LRP5: variants seen among roughly 807,000 people sequenced by gnomAD.
LRP5 encodes low-density lipoprotein receptor-related protein 5.
LRP5 carries 62 observed loss-of-function variants against 154.1 expected under a neutral mutation model. The observed-to-expected ratio is 0.40, with a 90% CI of 0.33 to 0.50. LRP5 has a LOEUF of 0.50. Among genes scored for constraint, LRP5 ranks in the 20% least tolerant of loss-of-function variants. The pLI, the probability that LRP5 is intolerant of heterozygous loss-of-function variation, is 0.55. For missense variants in LRP5, 1,915 were observed against 2,336.7 expected (o/e 0.82, Z 3.72); for synonymous variants, 966 against 1,011.5 (o/e 0.96, Z 0.85).
At chr11:68,352,387 T>C (rs1425765274) in intron 2 of LRP5, among the ~76,000 whole-genome samples, 1 of 152,222 alleles carries the variant, frequency 6.6e-6, no homozygotes, top group Non-Finnish European at 1.5e-5. Context: ...AAGAACAGTT[T>C]GTGAGTTCAA....
In LRP5 at chr11:68,449,200, T is replaced by G; in HGVS notation, c.*130T>G. The G allele has an allele frequency of 1.2e-5, 6 of 510,954 alleles. No homozygotes were observed. Among genetic ancestry groups the G allele is most frequent in the African/African-American group, 1.9e-5 (1 of 51,380 alleles). The allele number at this position is 510,954 out of a possible 1,614,324, so 31.7% of individuals were successfully genotyped here. A position where few individuals can be genotyped will look rare whatever the true frequency, so the allele number is the denominator to read the frequency against. The stretch of plus-strand genomic sequence containing the variant: ...TTTTAAAAACATGAGAAATGTGAAC[T>G]GTGATGGGGTGGGCAGGGCTGGGAG... On this transcript the variant is annotated 3_prime_UTR_variant, in exon 23 of 23. Transcript: ENST00000294304.
At position 68,445,667 on chromosome 11, in the gene LRP5, G is replaced by A. The variant is rs764241848; in HGVS notation, c.4489-769G>A. On this transcript the variant is annotated intron_variant, in intron 21 of 22. Coordinates refer to ENST00000294304, the MANE Select transcript of LRP5 (RefSeq NM_002335.4). The stretch of plus-strand genomic sequence containing the variant: ...AAGCTGCATGTTGGGTTGGGGTGCC[G>A]TCAGTGGCACTTGTGGAAGGTGCAG... The A allele has an allele frequency of 7.2e-5, 95 of 1,318,706 alleles. No homozygotes were observed. The African/African-American group carries it at 7.8e-4, about 11-fold the overall frequency. The allele number at this position is 1,318,706 out of a possible 1,614,324, so 81.7% of individuals were successfully genotyped here. A position where few individuals can be genotyped will look rare whatever the true frequency, so the allele number is the denominator to read the frequency against.
rs35298380 is a variant in LRP5 at position 68,410,030 on chromosome 11, C to A, written c.2208C>A (p.Asp736Glu). 3 of 1,613,962 alleles carry A rather than the reference C, an allele frequency of 1.9e-6. No individual in the cohort carries two copies. Among genetic ancestry groups the A allele is most frequent in the Non-Finnish European group, 2.5e-6 (3 of 1,180,000 alleles). Residue 736 changes from aspartate (D) to glutamate (E), a missense_variant, in exon 10 of 23, where the codon GAC (aspartate) becomes GAA (glutamate). Asp to Glu is a conservative substitution (Grantham distance 45, BLOSUM62 2). This residue lies in a region of LRP5 where 773 missense variants were observed against 1,100.9 expected (regional missense o/e 0.70). Coordinates refer to ENST00000294304, the MANE Select transcript of LRP5 (RefSeq NM_002335.4). The stretch of plus-strand genomic sequence containing the variant: ...TGGGCAAGAACCTCTACTGGGCCGA[C>A]ACTGGGACCAACAGAATCGAAGTGG... The part of the protein sequence containing the change: ...DWMGKNLYWA[D>E]TGTNRIEVAR...
At chr11:68,384,852 G>A (rs533162360) in intron 5 of LRP5, among the ~76,000 whole-genome samples, 19 of 152,362 alleles carry the variant, frequency 1.2e-4, no homozygotes, top group African/African-American at 4.3e-4. Flanking sequence ...GTCCTGTGGA[G>A]TGGGTGGTGA....
At chr11:68,347,741 A>G in intron 1 of LRP5, 106 bp from the exon 2 acceptor site, 1 of 1,370,198 alleles carries the variant, frequency 7.3e-7, no homozygotes, top group Non-Finnish European at 1.0e-6. Flanking sequence ...GGTCTTGGGC[A>G]TGGGCAGGGC....
At chr11:68,364,136 A>C (rs2098629594) in intron 4 of LRP5, among the ~76,000 whole-genome samples, 193 bp downstream of exon 4, 1 of 148,592 alleles carries the variant, frequency 6.7e-6, no homozygotes, top group Non-Finnish European at 1.5e-5. Flanking sequence ...GCTGCAATGG[A>C]GGGAGGTGTG....
upstream of LRP5, among the ~76,000 whole-genome samples, chr11:68,307,681 G>A (rs1020345565): frequency 5.3e-5 from 8 of 151,694 alleles, no homozygotes; most frequent in African/African-American, 7.3e-5. Context: ...ATCCAGGTGC[G>A]GTGGTGCATG....
rs314773 is a variant in LRP5, at chr11:68,381,982, A to G, written c.1016-4334A>G. Among the ~76,000 whole-genome samples, 5 of 152,196 alleles carry G rather than the reference A, an allele frequency of 3.3e-5. No homozygotes were observed. In the South Asian group the frequency reaches 1.0e-3, roughly 32 times the overall value. ...GCTCCCTGCTGGCCTGGCTGGACAG[A>G]GTCCCCACCACCACTGGGGTCACCT... On this transcript the variant is annotated intron_variant, in intron 5 of 22. Transcript: ENST00000294304.
intron 1 of LRP5, among the ~76,000 whole-genome samples, chr11:68,322,184 C>T (rs775380354): frequency 1.4e-4 from 22 of 152,140 alleles, no homozygotes; most frequent in Non-Finnish European, 2.5e-4. Flanking sequence ...TCCGAGCTGA[C>T]GTCCATGCCT....
rs608343 is a variant in LRP5, at chr11:68,429,362, T to C, written c.3638-213T>C. On this transcript the variant is annotated intron_variant, in intron 16 of 22. Coordinates refer to ENST00000294304, the MANE Select transcript of LRP5 (RefSeq NM_002335.4). ...CTGTGATGTCAAGCAACTTCTGTAA[T>C]TGTTTCCGGCATCCATTTGTGTGTC... 0.37 allele frequency among the ~76,000 whole-genome samples: 56,661 copies of C among 151,990 alleles called. 12,103 individuals carry two copies. The highest frequency in any genetic ancestry group is 0.57 in the African/African-American group (23,643 of 41,426).
chr11:68,390,689 G>A (rs538801731), intron 7 of LRP5, among the ~76,000 whole-genome samples: 3 of 128,580 alleles, frequency 2.3e-5, no homozygotes, highest in Admixed American at 7.9e-5. Context: ...TCCCGTGGAC[G>A]CAGCCTCGCC....
chr11:68,432,553 C>G (rs2098672536), intron 17 of LRP5, among the ~76,000 whole-genome samples: 1 of 152,238 alleles, frequency 6.6e-6, no homozygotes, highest in Non-Finnish European at 1.5e-5. Context: ...GGGTTCCAAA[C>G]ATCCAAAGGC....
intron 5 of LRP5, among the ~76,000 whole-genome samples, chr11:68,366,493 C>T (rs1258177798): frequency 2.6e-5 from 4 of 152,056 alleles, no homozygotes; most frequent in Admixed American, 2.0e-4. Context: ...TTTCCTGGTC[C>T]CCCTGTTCTT....
At chr11:68,404,195 G>C (rs888003045) in intron 8 of LRP5, 4 of 461,976 alleles carry the variant, frequency 8.7e-6, no homozygotes, top group Non-Finnish European at 8.6e-6. Context: ...TCGTTGTCTG[G>C]CACAATGATT....
chr11:68,438,343 A>G, intron 19 of LRP5, 103 bp from the exon 20 acceptor site: 3 of 1,114,886 alleles, frequency 2.7e-6, no homozygotes, highest in Non-Finnish European at 4.1e-6. Flanking sequence ...ACCCTCCACC[A>G]GTGGCAAAGC....
In LRP5 at chr11:68,406,514, T is replaced by G; in HGVS notation, c.1802-10T>G. On this transcript the variant is annotated splice_polypyrimidine_tract_variant and intron_variant, in intron 8 of 22. Coordinates refer to ENST00000294304, the MANE Select transcript of LRP5 (RefSeq NM_002335.4). The stretch of plus-strand genomic sequence containing the variant: ...GATGTTTAGACTGGAGCCTCTGTGT[T>G]CGCTTCCAGGAACCAACCCGTGTGC... The G allele has an allele frequency of 9.3e-6, 15 of 1,614,062 alleles. No homozygotes were observed. Among genetic ancestry groups the G allele is most frequent in the Non-Finnish European group, 1.3e-5 (15 of 1,180,014 alleles).
intron 1 of LRP5, among the ~76,000 whole-genome samples, chr11:68,346,598 C>T (rs1249672900): frequency 1.3e-5 from 2 of 152,264 alleles, no homozygotes; most frequent in Non-Finnish European, 2.9e-5. Context: ...TTTTGGCTTT[C>T]TCTTTCTTGG....
chr11:68,347,634 G>T (rs567598224), intron 1 of LRP5, among the ~76,000 whole-genome samples: 2 of 152,234 alleles, frequency 1.3e-5, no homozygotes, highest in African/African-American at 4.8e-5. Context: ...TGGGAAGAAG[G>T]CTGTTTGCTG....
Position 68,403,535 on chromosome 11 carries a change from C to T in LRP5, c.1637C>T (p.Pro546Leu), listed in dbSNP as rs1404203617. The T allele has an allele frequency of 1.2e-5, 19 of 1,614,142 alleles. No homozygotes were observed. The highest frequency in any genetic ancestry group is 2.2e-5 in the East Asian group (1 of 44,864). Residue 546 changes from proline to leucine, a missense_variant, in exon 8 of 23, where the codon CCG (proline) becomes CTG (leucine). By Grantham distance (98) the Pro-to-Leu change is moderately conservative (BLOSUM62 -3). This residue lies in a region of LRP5 where 773 missense variants were observed against 1,100.9 expected (regional missense o/e 0.70). Transcript: ENST00000294304. Reference protein sequence around the residue: ...KRRTLLEDKLPHIFGFTLLGD... With the variant: ...KRRTLLEDKLLHIFGFTLLGD... ...CGGACCCTCCTGGAGGACAAGCTCC[C>T]GCACATTTTTGGGTTCACGCTGCTG... is the stretch of plus-strand genomic sequence containing the variant.
Sources: gnomAD v4.1 joint callset for allele counts (sites outside exome capture counted in the v4.1 genomes callset) on GRCh38, gnomAD v4.1.1 for gene constraint, gnomAD v4.1.1 regional missense constraint, MANE v1.5 for transcripts, NCBI Gene and HGNC (gene_info 2026-07-23, HGNC 2026-07-21) for gene names.